RELN: variants seen among roughly 807,000 people sequenced by gnomAD.
The protein encoded by RELN is reelin.
RELN carries 108 observed loss-of-function variants against 427.6 expected under a neutral mutation model. That is an observed-to-expected ratio of 0.25 (90% confidence interval 0.22 to 0.30). The LOEUF (loss-of-function observed/expected upper bound fraction) is 0.30, where lower values mean the gene tolerates loss of function less well. RELN is among the 10% of genes least tolerant of loss of function. The pLI is 1.00. For synonymous variants in RELN, 1,524 were observed against 1,513.4 expected (o/e 1.01, Z -0.16); for missense variants, 3,715 against 4,302.8 (o/e 0.86, Z 3.82).
intron 45 of RELN, among the ~76,000 whole-genome samples, chr7:103,537,587 A>G (rs1830082189): frequency 6.6e-6 from 1 of 152,222 alleles, no homozygotes; most frequent in African/African-American, 2.4e-5. Flanking sequence ...TTACGAGGGC[A>G]AAATTTTAGT....
Position 103,953,615 on chromosome 7 carries a change from T to C in RELN, c.226+35516A>G, listed in dbSNP as rs1255907975. On this transcript the variant is annotated intron_variant, in intron 1 of 64. Transcript: ENST00000428762. This position sits in a 1 kb window ranked among gnomAD's most constrained non-coding sequence, Gnocchi z 4.3. ...CAACTAGCAGTCGTAGTAAAATTGT[T>C]TCAGTAAAAATAAATGATCAAAACT... 1.3e-5 allele frequency among the ~76,000 whole-genome samples: 2 copies of C among 152,150 alleles called. No homozygotes were observed. The highest frequency in any genetic ancestry group is 4.8e-5 in the African/African-American group (2 of 41,434).
intron 1 of RELN, among the ~76,000 whole-genome samples, chr7:103,935,123 G>A (rs1455011339): frequency 6.6e-6 from 1 of 152,188 alleles, no homozygotes; most frequent in Non-Finnish European, 1.5e-5. Flanking sequence ...AAGAATTTGT[G>A]TTGAAGTACA....
chr7:103,505,279 C>A (rs567088244), intron 51 of RELN, among the ~76,000 whole-genome samples: 1 of 152,280 alleles, frequency 6.6e-6, no homozygotes, highest in Middle Eastern at 3.4e-3. Context: ...TTGGGAGACA[C>A]CTCCCAGTAG....
chr7:103,802,816 A>G (rs1396544230), intron 3 of RELN, among the ~76,000 whole-genome samples: 1 of 152,134 alleles, frequency 6.6e-6, no homozygotes, highest in East Asian at 1.9e-4. Flanking sequence ...TAAAATGTAG[A>G]TATAAGAATT....
chr7:103,919,947 T>G (rs1193977128), intron 1 of RELN, among the ~76,000 whole-genome samples: 2 of 152,204 alleles, frequency 1.3e-5, no homozygotes, highest in East Asian at 3.8e-4. Context: ...CTTATAACTT[T>G]CAGGTCACCA....
At chr7:103,866,055 C>T (rs182195598) in intron 2 of RELN, among the ~76,000 whole-genome samples, 2 of 152,176 alleles carry the variant, frequency 1.3e-5, no homozygotes, top group East Asian at 1.9e-4. Flanking sequence ...ATTTTATTGA[C>T]AGTATGTTAC....
chr7:103,558,180 AGTTT>A, intron 36 of RELN, 131 bp from the exon 37 acceptor site: 2 of 637,000 alleles, frequency 3.1e-6, no homozygotes, highest in Admixed American at 4.9e-5. Flanking sequence ...AATTTTGCCT[AGTTT>A]AAAAGGAAAA....
intron 8 of RELN, among the ~76,000 whole-genome samples, chr7:103,713,628 T>C (rs1789859648): frequency 6.6e-6 from 1 of 151,516 alleles, no homozygotes; most frequent in East Asian, 1.9e-4. Flanking sequence ...AACATGAAGA[T>C]ATTGGTATAA....
intron 10 of RELN, among the ~76,000 whole-genome samples, chr7:103,695,522 C>T (rs1038507821): frequency 2.0e-5 from 3 of 152,058 alleles, no homozygotes; most frequent in Non-Finnish European, 4.4e-5. Context: ...ATTAAAATTA[C>T]TACCGAAGCA....
At chr7:103,483,066 T>C in intron 62 of RELN, 95 bp from the exon 63 acceptor site, 1 of 940,484 alleles carries the variant, frequency 1.1e-6, no homozygotes, top group South Asian at 1.3e-5. Flanking sequence ...AATAGGCTAA[T>C]CTAAATCAAC....
In RELN at chr7:103,482,890, G is replaced by A; in HGVS notation, c.10263C>T (p.Asp3421=). 6.2e-7 allele frequency: 1 copy of A among 1,614,128 alleles called. No individual in the cohort carries two copies. The highest frequency in any genetic ancestry group is 8.5e-7 in the Non-Finnish European group (1 of 1,180,018). Residue 3421 remains aspartate, a synonymous_variant, in exon 63 of 65, where the codon GAC becomes GAT. Coordinates refer to ENST00000428762, the MANE Select transcript of RELN (RefSeq NM_005045.4). ...NGTGHDQWAL[D]HVEVVLVSTR... ...ATACTCACAGGACGACCTCCACATGGTCCAAAGCCCATTGATCATGACCTG... is the reference window on the plus strand; with the variant it reads ...ATACTCACAGGACGACCTCCACATGATCCAAAGCCCATTGATCATGACCTG...
rs377418200 is a variant in RELN, at chr7:103,760,275, T to C, written c.545-7061A>G. 9.5e-4 allele frequency among the ~76,000 whole-genome samples: 144 copies of C among 152,058 alleles called. 1 individual carries two copies. The highest frequency in any genetic ancestry group is 3.4e-3 in the Middle Eastern group (1 of 294). On this transcript the variant is annotated intron_variant, in intron 4 of 64. Coordinates refer to ENST00000428762, the MANE Select transcript of RELN (RefSeq NM_005045.4). ...AGTTAAAAAAAAAAGCTTCATTTCT[T>C]AAAAAGCATTTCTGTGCATATGCTC...
intron 2 of RELN, among the ~76,000 whole-genome samples, chr7:103,867,071 T>C: frequency 6.6e-6 from 1 of 152,148 alleles, no homozygotes; most frequent in East Asian, 1.9e-4. Context: ...AGACTGAAAT[T>C]AGATTACTTC....
rs1236569901 is a variant in RELN at position 103,731,394 on chromosome 7, T to C, written c.657-3187A>G. Among the ~76,000 whole-genome samples, 3 of 152,068 alleles carry C rather than the reference T, an allele frequency of 2.0e-5. 1 individual carries two copies. The highest frequency in any genetic ancestry group is 4.4e-5 in the Non-Finnish European group (3 of 68,006). On this transcript the variant is annotated intron_variant, in intron 6 of 64. Coordinates refer to ENST00000428762, the MANE Select transcript of RELN (RefSeq NM_005045.4). ...ATGTGTCTAGAAAGTGGCAACCACC[T>C]CACAAAGGCTTCATGTGCTGTTTAC...
chr7:103,928,562 A>G (rs961489556), intron 1 of RELN, among the ~76,000 whole-genome samples: 4 of 152,242 alleles, frequency 2.6e-5, no homozygotes, highest in African/African-American at 7.2e-5. Context: ...AGAATTTCCA[A>G]CGAAGGCTAT....
intron 30 of RELN, 70 bp from the exon 31 acceptor site, chr7:103,572,330 C>T (rs1269095638): frequency 4.6e-6 from 4 of 860,462 alleles, no homozygotes; most frequent in South Asian, 1.4e-5. Flanking sequence ...AGCGTTTTGA[C>T]ACATTAGAAA....
intron 19 of RELN, among the ~76,000 whole-genome samples, chr7:103,633,544 C>T (rs1363886393): frequency 6.6e-6 from 1 of 151,652 alleles, no homozygotes; most frequent in Non-Finnish European, 1.5e-5. Context: ...TAAAAAAACT[C>T]CACTTTGATC....
intron 2 of RELN, among the ~76,000 whole-genome samples, chr7:103,888,688 C>A (rs572443045): frequency 6.6e-6 from 1 of 152,204 alleles, no homozygotes; most frequent in Admixed American, 6.5e-5. Flanking sequence ...ATCAAGGAAG[C>A]CCCATGATGC....
intron 5 of RELN, among the ~76,000 whole-genome samples, chr7:103,749,715 C>T (rs1790945862): frequency 6.6e-6 from 1 of 152,096 alleles, no homozygotes; most frequent in Non-Finnish European, 1.5e-5. Context: ...TTGGGAAAAC[C>T]AAAGACCCCA....
Sources: gnomAD v4.1 joint callset for allele counts (sites outside exome capture counted in the v4.1 genomes callset) on GRCh38, gnomAD v4.1.1 for gene constraint, Gnocchi (gnomAD v3.1) non-coding constraint, MANE v1.5 for transcripts, NCBI Gene and HGNC (gene_info 2026-07-23, HGNC 2026-07-21) for gene names.